Variants in TFCP2 observed in about 807,000 individuals in gnomAD.
The protein encoded by TFCP2 is alpha-globin transcription factor CP2.
Under a neutral mutation model 73.4 loss-of-function variants are expected in TFCP2, and 33 were observed. The ratio of observed to expected loss-of-function variants is 0.45; its 90% CI spans 0.34 to 0.60. The LOEUF (loss-of-function observed/expected upper bound fraction) is 0.60, where lower values mean the gene tolerates loss of function less well. TFCP2 is among the 20% of genes least tolerant of loss of function. The probability of loss-of-function intolerance (pLI) is 0.01; values close to 1 mark genes in which losing one functional copy is unlikely to be tolerated. For missense variants in TFCP2, 352 were observed against 604.0 expected, an observed-to-expected ratio of 0.58 and a Z score of 4.37; for synonymous variants, 193 against 211.6, an observed-to-expected ratio of 0.91 and a Z score of 0.76.
At chr12:51,117,640 AT>A (rs1339846012) in intron 3 of TFCP2, 30 bp downstream of exon 3, 1 of 1,539,416 alleles carries the variant, frequency 6.5e-7, no homozygotes, top group Non-Finnish European at 8.9e-7. Flanking sequence ...AGTAAAAAAT[AT>A]TGTACAGAAG....
Position 51,118,760 on chromosome 12 carries a change from T to C in TFCP2, c.135A>G (p.Ala45=), listed in dbSNP as rs763785591. 3.7e-6 allele frequency: 6 copies of C among 1,614,062 alleles called. No homozygotes were observed. Among genetic ancestry groups the C allele is most frequent in the Middle Eastern group, 1.6e-4 (1 of 6,062 alleles). ...ACTCTTCTTGCTTAAAAATGGGCAA[T>C]GCAAGGACATCACTAAAATAAAACA... ...AGAYSMSDVL[A]LPIFKQEESS... Residue 45 remains alanine, a synonymous_variant, in exon 2 of 15, where the codon GCA becomes GCG. Transcript: ENST00000257915.
At chr12:51,098,329 T>A (rs1399641671) in intron 13 of TFCP2, among the ~76,000 whole-genome samples, 2 of 151,984 alleles carry the variant, frequency 1.3e-5, no homozygotes, top group African/African-American at 4.8e-5. Context: ...ATATGTGGTT[T>A]TTAAAATATT....
At chr12:51,104,119 A>G (rs760892815) in intron 9 of TFCP2, 36 bp downstream of exon 9, 8 of 1,603,108 alleles carry the variant, frequency 5.0e-6, no homozygotes, top group Non-Finnish European at 6.8e-6. Context: ...GTATTACCAG[A>G]CATTGCAAGT....
chr12:51,094,540 A>C lies in TFCP2; in HGVS notation c.*701T>G, dbSNP rs1199657423. On this transcript the variant is annotated 3_prime_UTR_variant, in exon 15 of 15. Coordinates refer to ENST00000257915, the MANE Select transcript of TFCP2 (RefSeq NM_005653.5). ...CACTGCCTGCCAGCTCCTGGCACCT[A>C]GCAAGCTACTTAGCCACTGTGTGTC... 2 of 152,298 alleles carry C rather than the reference A, an allele frequency of 1.3e-5. No homozygotes were observed. The highest frequency in any genetic ancestry group is 4.8e-5 in the African/African-American group (2 of 41,470). 9.4% of individuals were successfully genotyped at this position (152,298 alleles called of 1,614,324 possible).
At chr12:51,169,669 G>A (rs1238190116) in intron 1 of TFCP2, among the ~76,000 whole-genome samples, 1 of 152,182 alleles carries the variant, frequency 6.6e-6, no homozygotes, top group Non-Finnish European at 1.5e-5. Context: ...GTTCTACTGA[G>A]CCGAGATGGT....
chr12:51,132,575 T>G (rs998335347), intron 1 of TFCP2, among the ~76,000 whole-genome samples: 5 of 151,746 alleles, frequency 3.3e-5, no homozygotes, highest in Non-Finnish European at 7.4e-5. Context: ...TTCACCATGC[T>G]GGCCACGCTG....
intron 5 of TFCP2, among the ~76,000 whole-genome samples, chr12:51,109,812 C>T (rs1021846890): frequency 3.3e-5 from 5 of 151,628 alleles, no homozygotes; most frequent in African/African-American, 9.7e-5. Context: ...TCCACCTCCC[C>T]GGTTCAAGCA....
At chr12:51,117,648 G>A in intron 3 of TFCP2, 23 bp downstream of exon 3, 2 of 1,573,118 alleles carry the variant, frequency 1.3e-6, no homozygotes, top group Non-Finnish European at 1.7e-6. Context: ...ATATTGTACA[G>A]AAGAATGATT....
chr12:51,105,384 G>A (rs1029380608), intron 8 of TFCP2, among the ~76,000 whole-genome samples: 9 of 152,072 alleles, frequency 5.9e-5, no homozygotes, highest in Admixed American at 2.6e-4. Context: ...GAGCCACCGC[G>A]CCCAGCCTGT....
At chr12:51,118,144 G>A (rs113946893) in intron 2 of TFCP2, among the ~76,000 whole-genome samples, 136 of 152,312 alleles carry the variant, frequency 8.9e-4, no homozygotes, top group Non-Finnish European at 1.7e-3. Flanking sequence ...CTAAGCAAAA[G>A]AAGCTAGTAA....
chr12:51,148,101 G>C (rs1941336980), intron 1 of TFCP2, among the ~76,000 whole-genome samples: 1 of 152,034 alleles, frequency 6.6e-6, no homozygotes, highest in African/African-American at 2.4e-5. Flanking sequence ...CCTTACTTCT[G>C]CAAGAATAGC....
intron 1 of TFCP2, among the ~76,000 whole-genome samples, chr12:51,156,319 T>G (rs1941536696): frequency 6.6e-6 from 1 of 150,544 alleles, no homozygotes; most frequent in African/African-American, 2.4e-5. Context: ...AGAGCAGGTA[T>G]GTCACATGGC....
chr12:51,121,503 T>C (rs1463119529), intron 1 of TFCP2, among the ~76,000 whole-genome samples: 2 of 145,630 alleles, frequency 1.4e-5, no homozygotes, highest in Non-Finnish European at 3.0e-5. Context: ...TCTCACTCTG[T>C]CTCCCAGGCT....
chr12:51,169,714 C>T (rs1254717742), intron 1 of TFCP2, among the ~76,000 whole-genome samples: 3 of 152,024 alleles, frequency 2.0e-5, no homozygotes, highest in Non-Finnish European at 4.4e-5. Context: ...CAGAACAGGA[C>T]CCGTCTCAAA....
intron 1 of TFCP2, chr12:51,125,036 G>T: frequency 1.3e-6 from 1 of 742,502 alleles, no homozygotes; most frequent in South Asian, 1.4e-5. Flanking sequence ...CTGACTTGAG[G>T]ATCTCGGTCG....
chr12:51,153,398 C>T (rs1941469463), intron 1 of TFCP2, among the ~76,000 whole-genome samples: 1 of 150,344 alleles, frequency 6.7e-6, no homozygotes, highest in African/African-American at 2.4e-5. Context: ...ATCATTTAAC[C>T]TTTTTTTTTT....
At chr12:51,121,630 T>C (rs1940677455) in intron 1 of TFCP2, among the ~76,000 whole-genome samples, 1 of 151,422 alleles carries the variant, frequency 6.6e-6, no homozygotes, top group African/African-American at 2.4e-5. Flanking sequence ...CACACCCGAC[T>C]AACTTTTGTA....
At chr12:51,152,492 T>G (rs752186571) in intron 1 of TFCP2, among the ~76,000 whole-genome samples, 33 of 152,230 alleles carry the variant, frequency 2.2e-4, no homozygotes, top group Non-Finnish European at 4.1e-4. Context: ...TATAGCATTG[T>G]GTCAGCGTTA....
intron 1 of TFCP2, among the ~76,000 whole-genome samples, chr12:51,125,967 A>G (rs1381521271): frequency 2.0e-5 from 3 of 152,152 alleles, no homozygotes; most frequent in Admixed American, 6.5e-5. Flanking sequence ...ACGGTGGCTC[A>G]CGCCTGTAAT....
Sources: gnomAD v4.1 joint callset for allele counts (sites outside exome capture counted in the v4.1 genomes callset) on GRCh38, gnomAD v4.1.1 for gene constraint, MANE v1.5 for transcripts, NCBI Gene and HGNC (gene_info 2026-07-23, HGNC 2026-07-21) for gene names.